DLGAP1: variants seen among roughly 807,000 people sequenced by gnomAD.
The protein encoded by DLGAP1 is DLG associated protein 1.
Under a neutral mutation model 90.8 loss-of-function variants are expected in DLGAP1, and 11 were observed. The ratio of observed to expected loss-of-function variants is 0.12; its 90% CI spans 0.08 to 0.20. The LOEUF is 0.20. DLGAP1 is among the 10% of genes least tolerant of loss of function. DLGAP1 has a pLI of 1.00. For missense variants in DLGAP1, 1,050 were observed against 1,333.8 expected (o/e 0.79, Z 3.31); for synonymous variants, 558 against 540.7 (o/e 1.03, Z -0.44).
intron 2 of DLGAP1, among the ~76,000 whole-genome samples, chr18:4,077,359 T>C (rs1568383093): frequency 6.6e-6 from 1 of 152,276 alleles, no homozygotes; most frequent in East Asian, 1.9e-4. Flanking sequence ...GTTGCTATTG[T>C]TTGGATATGG....
At chr18:3,719,279 C>G (rs1240206457) in intron 7 of DLGAP1, among the ~76,000 whole-genome samples, 4 of 151,800 alleles carry the variant, frequency 2.6e-5, no homozygotes, top group Admixed American at 6.6e-5. Flanking sequence ...AAATTATGGA[C>G]TATTTGGCCA....
chr18:4,249,394 A>G (rs2078728812), intron 1 of DLGAP1, among the ~76,000 whole-genome samples: 1 of 150,626 alleles, frequency 6.6e-6, no homozygotes, highest in Admixed American at 6.6e-5. Flanking sequence ...TGGCTACACG[A>G]GAGTACTAAG....
chr18:4,382,514 T>C (rs967133406), intron 1 of DLGAP1, among the ~76,000 whole-genome samples: 6 of 151,130 alleles, frequency 4.0e-5, no homozygotes, highest in African/African-American at 1.5e-4. Context: ...TAAGTATTAC[T>C]TCTTGGTATG....
rs981520423 is a variant in DLGAP1, at chr18:4,311,135, A to G, written c.-267+143871T>C. On this transcript the variant is annotated intron_variant, in intron 1 of 12. Transcript: ENST00000315677. ...AAGCCCAGGTATTAGTCAAAGTCCA[A>G]TTCCAACACCTTAGGCCTACTTGAT... 3.3e-5 allele frequency among the ~76,000 whole-genome samples: 5 copies of G among 152,216 alleles called. No homozygotes were observed. In the South Asian group the frequency reaches 8.3e-4, roughly 25 times the overall value.
At chr18:3,973,998 G>A (rs2073513795) in intron 3 of DLGAP1, among the ~76,000 whole-genome samples, 1 of 152,174 alleles carries the variant, frequency 6.6e-6, no homozygotes, top group Non-Finnish European at 1.5e-5. Context: ...CCTGAATACT[G>A]TAGGCAATTG....
chr18:3,530,933 G>A (rs2051950843), intron 10 of DLGAP1, among the ~76,000 whole-genome samples: 1 of 152,144 alleles, frequency 6.6e-6, no homozygotes, highest in African/African-American at 2.4e-5. Context: ...CATTTGACAG[G>A]GGTCAGGCAG....
At chr18:3,824,119 T>C (rs998055600) in intron 4 of DLGAP1, among the ~76,000 whole-genome samples, 2 of 152,260 alleles carry the variant, frequency 1.3e-5, no homozygotes, top group African/African-American at 4.8e-5. Flanking sequence ...GAATTGTTAG[T>C]TGAGCCATCA....
intron 5 of DLGAP1, among the ~76,000 whole-genome samples, chr18:3,760,608 G>A (rs1014530787): frequency 2.6e-5 from 4 of 152,184 alleles, no homozygotes; most frequent in East Asian, 1.9e-4. Flanking sequence ...GTGAGAACGC[G>A]GTCATACACA....
intron 1 of DLGAP1, among the ~76,000 whole-genome samples, chr18:4,269,176 T>C (rs1028132199): frequency 1.3e-5 from 2 of 151,636 alleles, no homozygotes; most frequent in Non-Finnish European, 2.9e-5. Flanking sequence ...ATATAGTAAA[T>C]GTATCCAACA....
At chr18:4,014,817 G>A (rs1212726116) in intron 2 of DLGAP1, among the ~76,000 whole-genome samples, 2 of 152,146 alleles carry the variant, frequency 1.3e-5, no homozygotes, top group Admixed American at 6.6e-5. Context: ...AGTAGACACT[G>A]CGGAAGTATT....
chr18:4,018,690 A>G (rs1337551467), intron 2 of DLGAP1, among the ~76,000 whole-genome samples: 1 of 152,280 alleles, frequency 6.6e-6, no homozygotes, highest in Non-Finnish European at 1.5e-5. Flanking sequence ...ACTCCATCAG[A>G]AGGGATTTAA....
At chr18:3,730,391 G>A (rs563296759) in intron 6 of DLGAP1, among the ~76,000 whole-genome samples, 1 of 152,164 alleles carries the variant, frequency 6.6e-6, no homozygotes, top group South Asian at 2.1e-4. Context: ...TGACGAATAA[G>A]TTTTTATTGA....
chr18:4,012,464 T>C (rs571458498), intron 2 of DLGAP1, among the ~76,000 whole-genome samples: 33 of 152,194 alleles, frequency 2.2e-4, no homozygotes, highest in Admixed American at 1.1e-3. Context: ...GGAATGGCAC[T>C]GTGGACAGTT....
intron 4 of DLGAP1, among the ~76,000 whole-genome samples, chr18:3,814,874 G>T (rs1197744835): frequency 6.6e-6 from 1 of 152,008 alleles, no homozygotes; most frequent in African/African-American, 2.4e-5. Flanking sequence ...GCTGGATATT[G>T]GTAATATAAT....
At chr18:3,779,252 G>A (rs781082096) in intron 5 of DLGAP1, among the ~76,000 whole-genome samples, 1 of 152,034 alleles carries the variant, frequency 6.6e-6, no homozygotes, top group Non-Finnish European at 1.5e-5. Context: ...TGTTGTTGTT[G>A]TTGTTTTAGA....
At chr18:3,550,931 A>G (rs139794735) in intron 9 of DLGAP1, among the ~76,000 whole-genome samples, 8,847 of 151,336 alleles carry the variant, frequency 0.058, 332 homozygotes, top group Middle Eastern at 0.15. Context: ...TAGTAGAGAC[A>G]GGGTTTCACC....
chr18:3,857,429 T>C (rs533428366), intron 4 of DLGAP1, among the ~76,000 whole-genome samples: 1 of 152,322 alleles, frequency 6.6e-6, no homozygotes, highest in Non-Finnish European at 1.5e-5. Context: ...AGAGTATTAT[T>C]GAAAATAATA....
At chr18:4,439,257 T>C (rs1032227664) in intron 1 of DLGAP1, among the ~76,000 whole-genome samples, 4 of 152,196 alleles carry the variant, frequency 2.6e-5, no homozygotes, top group Non-Finnish European at 5.9e-5. Flanking sequence ...TCCAAGCCCT[T>C]TTCAGGAGAT....
At chr18:4,171,806 G>A (rs2077031200) in intron 1 of DLGAP1, among the ~76,000 whole-genome samples, 1 of 152,104 alleles carries the variant, frequency 6.6e-6, no homozygotes, top group Admixed American at 6.5e-5. Context: ...GTACTTCTAA[G>A]TAGTAAAATC....
Sources: allele counts gnomAD v4.1 joint callset (sites outside exome capture counted in the v4.1 genomes callset), GRCh38; gene constraint gnomAD v4.1.1; transcripts MANE v1.5; gene names NCBI Gene and HGNC (gene_info 2026-07-23, HGNC 2026-07-21).